Variants in SF3B1 observed in about 807,000 individuals in gnomAD.
The protein encoded by SF3B1 is splicing factor 3b subunit 1, also known as pre-mRNA processing 10.
A neutral mutation model predicts 153.8 loss-of-function variants in SF3B1; 12 were observed. The ratio of observed to expected loss-of-function variants is 0.08; its 90% CI spans 0.05 to 0.13. The LOEUF is 0.13. Among genes scored for constraint, SF3B1 ranks in the 10% least tolerant of loss-of-function variants. The pLI, the probability that SF3B1 is intolerant of heterozygous loss-of-function variation, is 1.00. For synonymous variants in SF3B1, 498 were observed against 525.2 expected (o/e 0.95, Z 0.71); for missense variants, 513 against 1,606.1 (o/e 0.32, Z 11.63).
intron 9 of SF3B1, among the ~76,000 whole-genome samples, chr2:197,406,860 T>C (rs764484766): frequency 2.0e-5 from 3 of 152,014 alleles, no homozygotes; most frequent in Non-Finnish European, 2.9e-5. Context: ...GGGAGGCCAA[T>C]GTGGGTACTT....
intron 1 of SF3B1, among the ~76,000 whole-genome samples, chr2:197,424,493 C>CAAA (rs11344645): frequency 9.5e-6 from 1 of 105,202 alleles, no homozygotes; most frequent in Non-Finnish European, 2.1e-5. Flanking sequence ...CTCTATCTCT[C>CAAA]AAAAAAAAAA....
intron 24 of SF3B1, among the ~76,000 whole-genome samples, 186 bp downstream of exon 24, chr2:197,392,786 C>T (rs999358180): frequency 3.3e-5 from 5 of 151,948 alleles, no homozygotes; most frequent in African/African-American, 7.3e-5. Flanking sequence ...GGAGGGAGAG[C>T]ATTAGGACAA....
At chr2:197,410,708 G>A (rs1022262481) in intron 6 of SF3B1, among the ~76,000 whole-genome samples, 4 of 151,880 alleles carry the variant, frequency 2.6e-5, no homozygotes, top group African/African-American at 7.3e-5. Flanking sequence ...GTTTCTCCAC[G>A]TTGGTCAGGC....
intron 5 of SF3B1, 129 bp downstream of exon 5, chr2:197,418,380 T>C (rs1031476850): frequency 3.1e-5 from 19 of 611,368 alleles, no homozygotes; most frequent in Non-Finnish European, 5.1e-5. Context: ...GTAAGATTCT[T>C]TCTCAGTTAA....
At chr2:197,412,877 T>C (rs1331259921) in intron 6 of SF3B1, among the ~76,000 whole-genome samples, 1 of 137,754 alleles carries the variant, frequency 7.3e-6, no homozygotes, top group Non-Finnish European at 1.5e-5. Flanking sequence ...CTTGGGAGGG[T>C]GAGGCAGGAG....
At chr2:197,413,103 AAGTTACT>A (rs1209994868) in intron 6 of SF3B1, among the ~76,000 whole-genome samples, 2 of 152,148 alleles carry the variant, frequency 1.3e-5, no homozygotes, top group Non-Finnish European at 2.9e-5. Context: ...CATAGAATTA[AAGTTACT>A]AGTTACTTGG....
chr2:197,431,560 C>T (rs915772935), intron 1 of SF3B1, among the ~76,000 whole-genome samples: 1 of 152,146 alleles, frequency 6.6e-6, no homozygotes, highest in African/African-American at 2.4e-5. Context: ...AGATACTGCC[C>T]TCAGATGTTA....
rs1231481565 is a variant in SF3B1 at position 197,402,134 on chromosome 2, C to A, written c.2078-4G>T. The A allele has an allele frequency of 2.5e-6, 4 of 1,595,896 alleles. No homozygotes were observed. Among genetic ancestry groups the A allele is most frequent in the Non-Finnish European group, 3.4e-6 (4 of 1,170,112 alleles). ...TTCTGCTGCTCATCCACAAGACCTACAAAACCAAACACAGGTTTTAACTAT... is the reference window on the plus strand; with the variant it reads ...TTCTGCTGCTCATCCACAAGACCTAAAAAACCAAACACAGGTTTTAACTAT... On this transcript the variant is annotated splice_polypyrimidine_tract_variant and splice_region_variant and intron_variant, in intron 14 of 24. Transcript: ENST00000335508. This position sits in a 1 kb window ranked among gnomAD's most constrained non-coding sequence, Gnocchi z 4.6.
chr2:197,413,753 A>G (rs893845193), intron 6 of SF3B1, among the ~76,000 whole-genome samples: 1 of 152,128 alleles, frequency 6.6e-6, no homozygotes, highest in Non-Finnish European at 1.5e-5. Context: ...GGGTAAGAGA[A>G]TAAGGAGTAT....
intron 24 of SF3B1, 57 bp from the exon 25 acceptor site, chr2:197,392,518 C>G (rs759440501): frequency 1.8e-5 from 9 of 510,838 alleles, no homozygotes; most frequent in Non-Finnish European, 2.7e-5. Context: ...ATAACCTTAA[C>G]AAAATTAAGA....
intron 8 of SF3B1, 108 bp downstream of exon 8, chr2:197,408,256 TATCTC>T: frequency 7.9e-7 from 1 of 1,267,064 alleles, no homozygotes; most frequent in Non-Finnish European, 1.1e-6. Context: ...TAAATTTGTA[TATCTC>T]CTTATTCTTA....
chr2:197,420,299 A>G, intron 4 of SF3B1, 129 bp downstream of exon 4: 1 of 661,562 alleles, frequency 1.5e-6, no homozygotes, highest in South Asian at 1.9e-5. Flanking sequence ...CATCTATACA[A>G]ATCTATAGTA....
At chr2:197,429,409 A>G (rs2085390431) in intron 1 of SF3B1, among the ~76,000 whole-genome samples, 1 of 152,240 alleles carries the variant, frequency 6.6e-6, no homozygotes, top group South Asian at 2.1e-4. Flanking sequence ...TAGCTGAAGT[A>G]CATCGAGCTG....
At chr2:197,432,406 T>C (rs956105264) in intron 1 of SF3B1, among the ~76,000 whole-genome samples, 1 of 152,230 alleles carries the variant, frequency 6.6e-6, no homozygotes, top group Non-Finnish European at 1.5e-5. Context: ...ATTATGCATA[T>C]TCATAACCAT....
At chr2:197,398,337 T>C in intron 21 of SF3B1, 124 bp downstream of exon 21, 1 of 1,098,894 alleles carries the variant, frequency 9.1e-7, no homozygotes, top group Non-Finnish European at 1.4e-6. Flanking sequence ...AAAATATTAA[T>C]ACTGGATAGC....
At chr2:197,412,693 T>A (rs2085088785) in intron 6 of SF3B1, among the ~76,000 whole-genome samples, 1 of 149,958 alleles carries the variant, frequency 6.7e-6, no homozygotes, top group Non-Finnish European at 1.5e-5. Flanking sequence ...TATCAGCATA[T>A]CAGCTCTCAT....
At chr2:197,407,174 A>G (rs1238367298) in intron 9 of SF3B1, among the ~76,000 whole-genome samples, 2 of 152,236 alleles carry the variant, frequency 1.3e-5, no homozygotes, top group African/African-American at 4.8e-5. Flanking sequence ...AAAGGCCATC[A>G]GATGACTTAC....
intron 9 of SF3B1, among the ~76,000 whole-genome samples, chr2:197,406,405 T>C (rs949392066): frequency 1.3e-5 from 2 of 152,186 alleles, no homozygotes; most frequent in Admixed American, 1.3e-4. Flanking sequence ...CAGATATTTT[T>C]TGTTGCTAGT....
intron 3 of SF3B1, 54 bp from the exon 4 acceptor site, chr2:197,420,596 A>G: frequency 8.3e-7 from 1 of 1,198,430 alleles, no homozygotes; most frequent in Non-Finnish European, 1.2e-6. Flanking sequence ...AACAAAACAG[A>G]ATATCATAAA....
Sources: gnomAD v4.1 joint callset for allele counts (sites outside exome capture counted in the v4.1 genomes callset) on GRCh38, gnomAD v4.1.1 for gene constraint, Gnocchi (gnomAD v3.1) non-coding constraint, MANE v1.5 for transcripts, NCBI Gene and HGNC (gene_info 2026-07-23, HGNC 2026-07-21) for gene names.